Variants in PTPRD observed in about 807,000 individuals in gnomAD.
The protein encoded by PTPRD is protein tyrosine phosphatase receptor type D.
PTPRD carries 34 observed loss-of-function variants against 214.5 expected under a neutral mutation model. The observed-to-expected ratio is 0.16, with a 90% CI of 0.12 to 0.21. The LOEUF (loss-of-function observed/expected upper bound fraction) is 0.21. Among genes scored for constraint, PTPRD ranks in the 10% least tolerant of loss-of-function variants. The pLI is 1.00. For missense variants in PTPRD, 2,545 were observed against 2,398.7 expected (o/e 1.06, Z -1.27); for synonymous variants, 1,128 against 845.7 (o/e 1.33, Z -5.79).
At chr9:8,658,954 T>C (rs118106262) in intron 12 of PTPRD, among the ~76,000 whole-genome samples, 3,010 of 152,312 alleles carry the variant, frequency 0.02, 38 homozygotes, top group Middle Eastern at 0.065. Flanking sequence ...TGCCAATTTT[T>C]ACATAGCATC....
At chr9:8,663,929 GA>G (rs2097121489) in intron 12 of PTPRD, among the ~76,000 whole-genome samples, 1 of 151,522 alleles carries the variant, frequency 6.6e-6, no homozygotes, top group East Asian at 1.9e-4. Context: ...ATAATTGGCG[GA>G]AAATGTTTTT....
chr9:9,102,354 G>A (rs972126687), intron 10 of PTPRD, among the ~76,000 whole-genome samples: 1 of 152,148 alleles, frequency 6.6e-6, no homozygotes, highest in African/African-American at 2.4e-5. Context: ...GCCTGAGTAG[G>A]GGTGATGATC....
intron 9 of PTPRD, among the ~76,000 whole-genome samples, chr9:9,304,883 C>T (rs914989021): frequency 6.7e-6 from 1 of 149,610 alleles, no homozygotes; most frequent in Non-Finnish European, 1.5e-5. Flanking sequence ...AATAATCTCT[C>T]CATGAAAGGA....
intron 2 of PTPRD, among the ~76,000 whole-genome samples, chr9:10,573,415 G>A (rs1377868235): frequency 6.6e-6 from 1 of 152,148 alleles, no homozygotes; most frequent in Admixed American, 6.5e-5. Flanking sequence ...ATTCACATTT[G>A]AGTTCAGATA....
intron 5 of PTPRD, among the ~76,000 whole-genome samples, chr9:9,783,469 C>T (rs1228564376): frequency 6.6e-6 from 1 of 152,074 alleles, no homozygotes; most frequent in African/African-American, 2.4e-5. Flanking sequence ...TCCTGATGAA[C>T]TTACAAATTA....
chr9:8,929,584 G>A (rs1453678369), intron 11 of PTPRD, among the ~76,000 whole-genome samples: 9 of 151,334 alleles, frequency 5.9e-5, no homozygotes, highest in African/African-American at 1.9e-4. Flanking sequence ...TGCTGGATTC[G>A]GTTTGCCAGT....
At chr9:10,420,842 T>C (rs1399269237) in intron 2 of PTPRD, among the ~76,000 whole-genome samples, 4 of 151,874 alleles carry the variant, frequency 2.6e-5, no homozygotes, top group African/African-American at 9.7e-5. Context: ...TACCTTCTTT[T>C]TTTTTATTCT....
At chr9:9,227,609 T>C (rs527844594) in intron 9 of PTPRD, among the ~76,000 whole-genome samples, 15 of 152,258 alleles carry the variant, frequency 9.9e-5, no homozygotes, top group Middle Eastern at 6.8e-3. Context: ...TAATCATGTA[T>C]GACTTGGAGA....
intron 6 of PTPRD, among the ~76,000 whole-genome samples, chr9:9,749,806 G>A (rs1001946484): frequency 3.9e-5 from 6 of 152,122 alleles, no homozygotes; most frequent in African/African-American, 9.7e-5. Context: ...GGTTAGTCAC[G>A]CTTCCTGTCT....
chr9:8,420,164 A>T (rs1291929337), intron 35 of PTPRD, among the ~76,000 whole-genome samples: 1 of 152,164 alleles, frequency 6.6e-6, no homozygotes, highest in Admixed American at 6.5e-5. Context: ...AGTTTGGATA[A>T]AAACACTAAA....
At chr9:9,078,622 G>C (rs896718750) in intron 10 of PTPRD, among the ~76,000 whole-genome samples, 3 of 151,464 alleles carry the variant, frequency 2.0e-5, no homozygotes, top group African/African-American at 7.3e-5. Context: ...AGCAGTCTCT[G>C]GGAAAGGAGT....
chr9:9,290,875 T>C (rs1282205105), intron 9 of PTPRD, among the ~76,000 whole-genome samples: 2 of 151,496 alleles, frequency 1.3e-5, no homozygotes, highest in Non-Finnish European at 3.0e-5. Flanking sequence ...CTCTGTTCCA[T>C]AGCCACAAGA....
At chr9:9,215,858 T>C (rs1209238236) in intron 9 of PTPRD, among the ~76,000 whole-genome samples, 3 of 152,126 alleles carry the variant, frequency 2.0e-5, no homozygotes, top group Non-Finnish European at 4.4e-5. Flanking sequence ...AGTACAGTAT[T>C]TACCCTGATG....
At chr9:10,440,699 C>G (rs1032563921) in intron 2 of PTPRD, among the ~76,000 whole-genome samples, 5 of 151,676 alleles carry the variant, frequency 3.3e-5, no homozygotes, top group African/African-American at 9.7e-5. Flanking sequence ...ACCTCGAGAG[C>G]CAATAATATG....
At chr9:10,486,045 T>C (rs547099712) in intron 2 of PTPRD, among the ~76,000 whole-genome samples, 31 of 152,004 alleles carry the variant, frequency 2.0e-4, no homozygotes, top group African/African-American at 7.2e-4. Context: ...TTTTTTCTTG[T>C]AAATTTGTTT....
chr9:8,361,192 A>C (rs2133892701), intron 39 of PTPRD, among the ~76,000 whole-genome samples: 1 of 152,356 alleles, frequency 6.6e-6, no homozygotes, highest in African/African-American at 2.4e-5. Flanking sequence ...TTCTCAATGA[A>C]GTAGCAGAAC....
rs148814146 is a variant in PTPRD at position 10,022,701 on chromosome 9, G to C, written c.-472+11017C>G. ...AATTTATTGTGGTTTATGTAGATTG[G>C]GTAGCAGTTAAGATTTACATTGACT... On this transcript the variant is annotated intron_variant, in intron 4 of 45. Transcript: ENST00000381196. Among the ~76,000 whole-genome samples the C allele has an allele frequency of 7.7e-3, 1,169 of 152,180 alleles. 10 individuals carry two copies. The highest frequency in any genetic ancestry group is 0.012 in the Non-Finnish European group (839 of 68,008).
At chr9:8,642,040 G>C (rs1380644658) in intron 12 of PTPRD, among the ~76,000 whole-genome samples, 1 of 152,176 alleles carries the variant, frequency 6.6e-6, no homozygotes, top group Non-Finnish European at 1.5e-5. Flanking sequence ...AGTAGTGCTA[G>C]ACATAAATCG....
At chr9:9,280,177 A>T (rs1475207547) in intron 9 of PTPRD, among the ~76,000 whole-genome samples, 1 of 151,296 alleles carries the variant, frequency 6.6e-6, no homozygotes. Flanking sequence ...AGTGTCAATT[A>T]TTTCTACATG....
Sources: allele counts gnomAD v4.1 joint callset (sites outside exome capture counted in the v4.1 genomes callset), GRCh38; gene constraint gnomAD v4.1.1; transcripts MANE v1.5; gene names NCBI Gene and HGNC (gene_info 2026-07-23, HGNC 2026-07-21).